Variants in TRIM5 observed in about 807,000 individuals in gnomAD.
TRIM5 encodes the protein tripartite motif-containing protein 5.
Under a neutral mutation model 35.6 loss-of-function variants are expected in TRIM5, and 31 were observed. That is an observed-to-expected ratio of 0.87 (90% confidence interval 0.65 to 1.18). The LOEUF is 1.18. Among genes scored for constraint, TRIM5 ranks in the 50% most tolerant of loss-of-function variants. The pLI is 0.00. For missense variants in TRIM5, 609 were observed against 591.6 expected (o/e 1.03, Z -0.31); for synonymous variants, 243 against 215.6 (o/e 1.13, Z -1.11).
At position 5,679,824 on chromosome 11, in the gene TRIM5, C is replaced by T; in HGVS notation, c.354G>A (p.Glu118=). The change falls in exon 2 of 8, where the codon GAG becomes GAA. Residue 118 remains glutamate (E), a synonymous_variant. Transcript: ENST00000380034. ...EDGKVICWLC[E]RSQEHRGHHT... Reference sequence around the variant, plus strand: ...GGTGACCACGGTGCTCCTGAGACCGCTCACAAAGCCAGCAAATGACCTTCC... The same window carrying T: ...GGTGACCACGGTGCTCCTGAGACCGTTCACAAAGCCAGCAAATGACCTTCC... 1 of 1,613,242 alleles carries T rather than the reference C, an allele frequency of 6.2e-7. No individual in the cohort carries two copies. Among genetic ancestry groups the T allele is most frequent in the Non-Finnish European group, 8.5e-7 (1 of 1,179,736 alleles).
the TRIM5 span, chr11:5,641,020 T>A: frequency 2.3e-5 from 25 of 1,106,406 alleles, no homozygotes; most frequent in South Asian, 5.2e-4. Context: ...TCTTGGTGTG[T>A]CTAGCTAAAT....
At chr11:5,659,331 C>A (rs1359091222), downstream of TRIM5, among the ~76,000 whole-genome samples, 1 of 152,020 alleles carries the variant, frequency 6.6e-6, no homozygotes. Flanking sequence ...GCAAAGGGAA[C>A]AAGGGAACTT....
At position 5,666,006 on chromosome 11, in the gene TRIM5, C is replaced by T. The variant is rs766118725; in HGVS notation, c.843G>A (p.Leu281=). The T allele has an allele frequency of 1.2e-6, 2 of 1,613,060 alleles. No homozygotes were observed. Among genetic ancestry groups the T allele is most frequent in the Non-Finnish European group, 1.7e-6 (2 of 1,179,762 alleles). ...NQRRVFRAPD[L]KGMLEVFREL... is the part of the protein sequence containing the mutation. Reference sequence around the variant, plus strand: ...CTCTAAACACTTCTAGCATTCCTTTCAGATCAGGAGCTCGAAACACTCTCC... The same window carrying T: ...CTCTAAACACTTCTAGCATTCCTTTTAGATCAGGAGCTCGAAACACTCTCC... Residue 281 remains leucine (L), a synonymous_variant, in exon 6 of 8, where the codon CTG becomes CTA. Transcript: ENST00000380034.
chr11:5,602,538 T>C, the TRIM5 span, among the ~76,000 whole-genome samples: 2 of 151,834 alleles, frequency 1.3e-5, no homozygotes, highest in African/African-American at 2.4e-5. Flanking sequence ...AGGAAGCTAG[T>C]AAGTCATGCA....
At chr11:5,659,161 TAC>T (rs61631660), downstream of TRIM5, among the ~76,000 whole-genome samples, 20,879 of 151,186 alleles carry the variant, frequency 0.14, 1,906 homozygotes, top group East Asian at 0.41. Flanking sequence ...AAAAAAAGAG[TAC>T]AGTGTAACAC....
chr11:5,629,590 T>C, the TRIM5 span, among the ~76,000 whole-genome samples: 1 of 152,208 alleles, frequency 6.6e-6, no homozygotes, highest in African/African-American at 2.4e-5. Flanking sequence ...CAAGCAATAA[T>C]TGCAGGTTTG....
chr11:5,643,091 A>G, the TRIM5 span: 1 of 1,261,528 alleles, frequency 7.9e-7, no homozygotes, highest in African/African-American at 1.5e-5. Flanking sequence ...CATATATATC[A>G]CACAGATGAT....
Position 5,684,909 on chromosome 11 carries a change from C to G in TRIM5, c.-103G>C, listed in dbSNP as rs1852896422. ...TTGTCCCAAAGACTTCCTACTTCTG[C>G]CCTCCACAAAATCACTCAATACACC... On this transcript the variant is annotated 5_prime_UTR_variant, in exon 1 of 8. Transcript: ENST00000380034. The G allele has an allele frequency of 6.6e-6, 1 of 152,242 alleles. No individual in the cohort carries two copies. Among genetic ancestry groups the G allele is most frequent in the African/African-American group, 2.4e-5 (1 of 41,456 alleles). 9.4% of individuals were successfully genotyped at this position (152,242 alleles called of 1,614,324 possible).
intron 4 of TRIM5, among the ~76,000 whole-genome samples, chr11:5,670,315 C>T (rs7104732): frequency 1.3e-5 from 2 of 149,914 alleles, no homozygotes; most frequent in African/African-American, 2.4e-5. Flanking sequence ...GTAGCTGGGA[C>T]TACAGGCTCC....
chr11:5,622,749 A>G, the TRIM5 span, among the ~76,000 whole-genome samples: 160 of 152,374 alleles, frequency 1.1e-3, no homozygotes, highest in African/African-American at 3.6e-3. Context: ...ACATGCTTTA[A>G]CAAATCTGTC....
the TRIM5 span, among the ~76,000 whole-genome samples, chr11:5,634,374 G>C: frequency 2.2e-4 from 33 of 151,054 alleles, no homozygotes; most frequent in Non-Finnish European, 1.5e-4. Flanking sequence ...AAAATAGTAG[G>C]AAAAAATAGC....
chr11:5,633,760 A>G, the TRIM5 span: 5 of 1,579,238 alleles, frequency 3.2e-6, no homozygotes, highest in African/African-American at 1.4e-5. Flanking sequence ...TCCAGATACT[A>G]AGAAAGCTTA....
At chr11:5,604,877 C>T in the TRIM5 span, 2 of 468,596 alleles carry the variant, frequency 4.3e-6, no homozygotes, top group Admixed American at 7.7e-5. Context: ...CGCCCCAATT[C>T]ATAATTCTGG....
At chr11:5,669,733 C>A (rs532799191) in intron 4 of TRIM5, among the ~76,000 whole-genome samples, 9 of 152,202 alleles carry the variant, frequency 5.9e-5, no homozygotes, top group Non-Finnish European at 1.0e-4. Context: ...CGCAGTGACT[C>A]CTGCCTGTGA....
chr11:5,595,016 T>C, the TRIM5 span, among the ~76,000 whole-genome samples: 1 of 152,168 alleles, frequency 6.6e-6, no homozygotes, highest in African/African-American at 2.4e-5. Flanking sequence ...CCTGCAGACA[T>C]GAGGTAGTCA....
At chr11:5,645,816 G>T in the TRIM5 span, 1 of 222,332 alleles carries the variant, frequency 4.5e-6, no homozygotes, top group Non-Finnish European at 8.2e-6. Flanking sequence ...CTGATGATGA[G>T]ACTTTTACCC....
chr11:5,603,870 TAAG>T, the TRIM5 span: 1 of 1,423,840 alleles, frequency 7.0e-7, no homozygotes, highest in Non-Finnish European at 9.3e-7. Flanking sequence ...CCTCCCTGAT[TAAG>T]AATAGATTCT....
rs1313844920 is a variant in TRIM5, at chr11:5,680,001, C to G, written c.177G>C (p.Arg59=). Residue 59 remains arginine (R), a synonymous_variant, in exon 2 of 8, where the codon CGG becomes CGC. Transcript: ENST00000380034. ...DKGESSCPVC[R]ISYQPENIRP... Reference sequence around the variant, plus strand: ...GTATGTTCTCAGGCTGGTAACTGATCCGGCACACAGGGCAGCTACTCTCTC... The same window carrying G: ...GTATGTTCTCAGGCTGGTAACTGATGCGGCACACAGGGCAGCTACTCTCTC... 3 of 1,613,958 alleles carry G rather than the reference C, an allele frequency of 1.9e-6. No individual in the cohort carries two copies. The African/African-American group carries it at 4.0e-5, about 22-fold the overall frequency.
chr11:5,642,582 C>G, the TRIM5 span: 1 of 1,534,362 alleles, frequency 6.5e-7, no homozygotes, highest in Non-Finnish European at 8.8e-7. Flanking sequence ...GGTGGGATAA[C>G]TTAAAATTGA....
Sources: gnomAD v4.1 joint callset for allele counts (sites outside exome capture counted in the v4.1 genomes callset) on GRCh38, gnomAD v4.1.1 for gene constraint, MANE v1.5 for transcripts, NCBI Gene and HGNC (gene_info 2026-07-23, HGNC 2026-07-21) for gene names.